NTN4: variants seen among roughly 807,000 people sequenced by gnomAD.
The protein encoded by NTN4 is netrin-4.
Under a neutral mutation model 73.6 loss-of-function variants are expected in NTN4, and 32 were observed. The observed-to-expected ratio is 0.44, with a 90% CI of 0.33 to 0.58. The LOEUF is 0.58. Among genes scored for constraint, NTN4 ranks in the 20% least tolerant of loss-of-function variants. The pLI is 0.04. For synonymous variants in NTN4, 258 were observed against 287.5 expected, an observed-to-expected ratio of 0.90 and a Z score of 1.04; for missense variants, 654 against 798.3, an observed-to-expected ratio of 0.82 and a Z score of 2.18.
At chr12:95,779,716 A>G (rs2079119027) in intron 2 of NTN4, among the ~76,000 whole-genome samples, 1 of 152,168 alleles carries the variant, frequency 6.6e-6, no homozygotes, top group Admixed American at 6.5e-5. Flanking sequence ...AATATCGTGA[A>G]AATGGCCATA....
intron 5 of NTN4, among the ~76,000 whole-genome samples, chr12:95,691,407 G>T (rs2078400391): frequency 6.6e-6 from 1 of 152,156 alleles, no homozygotes; most frequent in Admixed American, 6.5e-5. Flanking sequence ...TTGTTTGTTT[G>T]TTTTTTGAGA....
rs1174318245 is a variant in NTN4 at position 95,741,427 on chromosome 12, TTATATATATATATATATATA to T, written c.586-3303_586-3284del. Among the ~76,000 whole-genome samples, 17 of 51,044 alleles carry T rather than the reference TTATATATATATATATATATA, an allele frequency of 3.3e-4. 1 individual carries two copies. The highest frequency in any genetic ancestry group is 1.7e-3 in the South Asian group (2 of 1,198). The allele number at this position is 51,044 out of a possible 152,430, so 33.5% of individuals were successfully genotyped here. On this transcript the variant is annotated intron_variant, in intron 2 of 9. Transcript: ENST00000343702. ...ACCTATAATGTAAATTATGTATAAATTATATATATATATATATATATATATATATATATATATATATATAT... is the reference window on the plus strand; with the variant it reads ...ACCTATAATGTAAATTATGTATAAATTATATATATATATATATATATATAT...
At chr12:95,722,178 T>C (rs562858689) in intron 3 of NTN4, among the ~76,000 whole-genome samples, 1 of 151,910 alleles carries the variant, frequency 6.6e-6, no homozygotes, top group East Asian at 1.9e-4. Flanking sequence ...AATTAGATGA[T>C]TAGCCAAAAA....
intron 2 of NTN4, among the ~76,000 whole-genome samples, chr12:95,755,858 G>A (rs1378076091): frequency 1.3e-5 from 2 of 152,210 alleles, no homozygotes; most frequent in East Asian, 3.8e-4. Context: ...TGAGAAACAA[G>A]ATAGAAAACC....
rs117229291 is a variant in NTN4 at position 95,732,028 on chromosome 12, A to G, written c.864+5838T>C. Among the ~76,000 whole-genome samples the G allele has an allele frequency of 1.3e-3, 195 of 152,308 alleles. 6 individuals are homozygous for G. The East Asian group carries it at 0.034, about 27-fold the overall frequency. ...TTGTCATCAGTATTTATAATCCATG[A>G]TAGTTTTTTTCTGTGCTAAAACCGA... On this transcript the variant is annotated intron_variant, in intron 3 of 9. Coordinates refer to ENST00000343702, the MANE Select transcript of NTN4 (RefSeq NM_021229.4).
chr12:95,683,053 A>ATTGGT (rs1451543054), intron 6 of NTN4, among the ~76,000 whole-genome samples: 10 of 120,540 alleles, frequency 8.3e-5, no homozygotes, highest in Admixed American at 3.5e-4. Flanking sequence ...GACAAAAATT[A>ATTGGT]TTGGTTTTGT....
At chr12:95,674,187 G>A (rs1246756290) in intron 7 of NTN4, among the ~76,000 whole-genome samples, 1 of 151,928 alleles carries the variant, frequency 6.6e-6, no homozygotes, top group East Asian at 1.9e-4. Flanking sequence ...AGAAATTGTA[G>A]TAACCTAAGT....
chr12:95,725,319 A>T (rs895017605), intron 3 of NTN4, among the ~76,000 whole-genome samples: 1 of 152,122 alleles, frequency 6.6e-6, no homozygotes, highest in Non-Finnish European at 1.5e-5. Context: ...GGTTTTATTC[A>T]CTGTCTTCTA....
chr12:95,765,999 C>T (rs184769827), intron 2 of NTN4, among the ~76,000 whole-genome samples: 9 of 152,272 alleles, frequency 5.9e-5, no homozygotes, highest in East Asian at 1.9e-4. Flanking sequence ...AACTCACACA[C>T]GCAGACTGCC....
chr12:95,751,641 C>T (rs367870699), intron 2 of NTN4, among the ~76,000 whole-genome samples: 8 of 152,184 alleles, frequency 5.3e-5, no homozygotes, highest in East Asian at 1.9e-4. Flanking sequence ...CTCGGCTTAG[C>T]GGCTGAAGAC....
At chr12:95,701,900 C>G (rs559799148) in intron 5 of NTN4, among the ~76,000 whole-genome samples, 1 of 152,250 alleles carries the variant, frequency 6.6e-6, no homozygotes, top group Admixed American at 6.5e-5. Flanking sequence ...TATTTTATTA[C>G]ATGTATCATA....
At chr12:95,755,363 T>G (rs1266642399) in intron 2 of NTN4, among the ~76,000 whole-genome samples, 1 of 152,168 alleles carries the variant, frequency 6.6e-6, no homozygotes, top group Non-Finnish European at 1.5e-5. Context: ...GTTTCCAGGG[T>G]TGCAGCGAGT....
chr12:95,692,927 GA>G (rs935804074), intron 5 of NTN4, among the ~76,000 whole-genome samples: 1 of 152,074 alleles, frequency 6.6e-6, no homozygotes, highest in Non-Finnish European at 1.5e-5. Flanking sequence ...GGAAGCCACA[GA>G]GATGTTTTGT....
intron 2 of NTN4, among the ~76,000 whole-genome samples, chr12:95,749,012 C>G (rs540856803): frequency 2.0e-5 from 3 of 152,178 alleles, no homozygotes; most frequent in African/African-American, 7.2e-5. Context: ...GTGATTTGTT[C>G]CTGCCCCACC....
At chr12:95,717,999 C>T (rs547099962) in intron 3 of NTN4, among the ~76,000 whole-genome samples, 2 of 152,314 alleles carry the variant, frequency 1.3e-5, no homozygotes, top group South Asian at 4.1e-4. Context: ...AATATTAACG[C>T]ACTTGCCAGT....
At chr12:95,672,411 G>A (rs1183491538) in intron 7 of NTN4, 1 of 1,107,394 alleles carries the variant, frequency 9.0e-7, no homozygotes, top group Non-Finnish European at 1.4e-6. Context: ...AGGCCACCAG[G>A]AGGTGAAGCG....
intron 3 of NTN4, among the ~76,000 whole-genome samples, chr12:95,717,319 T>C (rs2078613691): frequency 6.6e-6 from 1 of 152,166 alleles, no homozygotes; most frequent in East Asian, 1.9e-4. Flanking sequence ...TCCGCAGATA[T>C]TTAGAGTTAC....
intron 2 of NTN4, among the ~76,000 whole-genome samples, chr12:95,751,763 C>T (rs1242565326): frequency 6.8e-6 from 1 of 147,996 alleles, no homozygotes; most frequent in Admixed American, 6.7e-5. Flanking sequence ...CGGAGGCTAC[C>T]CACTCCACAT....
intron 5 of NTN4, among the ~76,000 whole-genome samples, chr12:95,696,375 T>C (rs976145661): frequency 9.2e-5 from 14 of 152,352 alleles, no homozygotes; most frequent in Admixed American, 9.1e-4. Context: ...GGTTGAGTTT[T>C]TTAAATTGAA....
Sources: allele counts gnomAD v4.1 joint callset (sites outside exome capture counted in the v4.1 genomes callset), GRCh38; gene constraint gnomAD v4.1.1; transcripts MANE v1.5; gene names NCBI Gene and HGNC (gene_info 2026-07-23, HGNC 2026-07-21).